ZNF461: variants seen among roughly 807,000 people sequenced by gnomAD.
ZNF461 encodes gonadotropin-inducible ovarian transcription factor-1.
ZNF461 carries 16 observed loss-of-function variants against 18.3 expected under a neutral mutation model. The ratio of observed to expected loss-of-function variants is 0.88; its 90% CI spans 0.59 to 1.33. The LOEUF is 1.33. Among genes scored for constraint, ZNF461 ranks in the 40% most tolerant of loss-of-function variants. ZNF461 has a pLI of 0.00. For missense variants in ZNF461, 595 were observed against 669.9 expected (o/e 0.89, Z 1.23); for synonymous variants, 179 against 216.9 (o/e 0.83, Z 1.54).
intron 4 of ZNF461, among the ~76,000 whole-genome samples, chr19:36,652,929 G>A (rs2037654798): frequency 6.6e-6 from 1 of 152,088 alleles, no homozygotes; most frequent in African/African-American, 2.4e-5. Context: ...TAGAAAATGG[G>A]CAAAAGGCAT....
intron 4 of ZNF461, among the ~76,000 whole-genome samples, chr19:36,656,001 T>A: frequency 7.0e-6 from 1 of 143,580 alleles, no homozygotes; most frequent in South Asian, 2.2e-4. Flanking sequence ...AATATCTTTT[T>A]TTTTTTTTTT....
intron 4 of ZNF461, among the ~76,000 whole-genome samples, chr19:36,647,665 A>G (rs1450566689): frequency 6.6e-6 from 1 of 152,196 alleles, no homozygotes; most frequent in East Asian, 1.9e-4. Context: ...TCTATTTTTA[A>G]TGTTTTGAGA....
In ZNF461 at chr19:36,636,757, A is replaced by AG. The variant is rs1424120222; in HGVS notation, c.*1895dup. Among the ~76,000 whole-genome samples the AG allele has an allele frequency of 3.3e-5, 5 of 152,220 alleles. No homozygotes were observed. The highest frequency in any genetic ancestry group is 1.2e-4 in the African/African-American group (5 of 41,454). ...AGATGTTCAGGGGTGAAACAGTGAA[A>AG]GGGGGGCAATGGCAGTTTAGGTACA... On this transcript the variant is annotated 3_prime_UTR_variant, in exon 6 of 6. Coordinates refer to ENST00000588268, the MANE Select transcript of ZNF461 (RefSeq NM_153257.5).
rs577720915 is a variant in ZNF461, at chr19:36,639,821, A to C, written c.524T>G (p.Phe175Cys). 4 of 1,613,936 alleles carry C rather than the reference A, an allele frequency of 2.5e-6. No homozygotes were observed. The East Asian group carries it at 8.9e-5, about 36-fold the overall frequency. Residue 175 changes from phenylalanine (F) to cysteine (C), a missense_variant, in exon 6 of 6, where the codon TTT becomes TGT. Physicochemically the swap from Phe to Cys is radical, Grantham distance 205. Transcript: ENST00000588268. ...TTGAGTGAGTAAAGTATGTTGGCTA[A>C]AAATGGGCATGTTTTCATGGTTAAT... Reference protein sequence around the residue: ...LMINHENMPIFSQHTLLTQEF... With the variant: ...LMINHENMPICSQHTLLTQEF...
chr19:36,638,721 T>C lies in ZNF461; in HGVS notation c.1624A>G (p.Thr542Ala). Residue 542 changes from threonine (T) to alanine (A), a missense_variant, in exon 6 of 6, where the codon ACT becomes GCT. Thr to Ala is a moderately conservative substitution (Grantham distance 58). Coordinates refer to ENST00000588268, the MANE Select transcript of ZNF461 (RefSeq NM_153257.5). ...ACTGGCTTCTCGCCAGTATGAAGAG[T>C]CTGATGTAAGTTAAGTTGTAATCTA... ...NHRLQLNLHQTLHTGEKPVRF... is the reference protein window; with the variant it reads ...NHRLQLNLHQALHTGEKPVRF... 1 of 1,613,644 alleles carries C rather than the reference T, an allele frequency of 6.2e-7. No homozygotes were observed. The highest frequency in any genetic ancestry group is 8.5e-7 in the Non-Finnish European group (1 of 1,179,788).
Position 36,660,360 on chromosome 19 carries a change from G to A in ZNF461, c.10-1935C>T, listed in dbSNP as rs531348972. ...GGATGGGGTTTCACCATCTTGTCCCGGCTAGTCTCAAACTCCTGACCTCAA... is the reference window on the plus strand; with the variant it reads ...GGATGGGGTTTCACCATCTTGTCCCAGCTAGTCTCAAACTCCTGACCTCAA... On this transcript the variant is annotated intron_variant, in intron 2 of 5. Transcript: ENST00000588268. Among the ~76,000 whole-genome samples the A allele has an allele frequency of 2.2e-4, 34 of 151,562 alleles. No individual in the cohort carries two copies. The South Asian group carries it at 6.3e-3, about 28-fold the overall frequency.
intron 4 of ZNF461, among the ~76,000 whole-genome samples, chr19:36,648,323 G>A (rs898508182): frequency 2.6e-5 from 4 of 152,024 alleles, no homozygotes; most frequent in African/African-American, 9.7e-5. Flanking sequence ...AGCTGAGCAG[G>A]GCCATGCTTC....
chr19:36,646,378 C>T (rs1004688975), intron 4 of ZNF461, among the ~76,000 whole-genome samples: 2 of 152,154 alleles, frequency 1.3e-5, no homozygotes, highest in Admixed American at 1.3e-4. Context: ...GTGATCCACC[C>T]TCCTCTGCCT....
At chr19:36,654,348 T>C (rs923908653) in intron 4 of ZNF461, among the ~76,000 whole-genome samples, 12 of 152,038 alleles carry the variant, frequency 7.9e-5, no homozygotes, top group African/African-American at 2.9e-4. Flanking sequence ...AAATGTATTC[T>C]CTCACAGTTC....
intron 4 of ZNF461, among the ~76,000 whole-genome samples, chr19:36,653,515 T>A (rs1345435282): frequency 6.6e-6 from 1 of 152,162 alleles, no homozygotes; most frequent in Non-Finnish European, 1.5e-5. Context: ...AATGGTTTAA[T>A]GGACTCACAG....
intron 5 of ZNF461, among the ~76,000 whole-genome samples, chr19:36,641,556 T>A (rs2037424400): frequency 1.3e-5 from 2 of 148,568 alleles, no homozygotes; most frequent in African/African-American, 2.5e-5. Flanking sequence ...ATATATATAA[T>A]ATATATATAT....
intron 1 of ZNF461, among the ~76,000 whole-genome samples, chr19:36,665,523 A>C (rs1407392126): frequency 6.6e-6 from 1 of 152,160 alleles, no homozygotes; most frequent in East Asian, 1.9e-4. Flanking sequence ...AGCCTGGCCA[A>C]CATGGTGAAA....
intron 4 of ZNF461, among the ~76,000 whole-genome samples, chr19:36,653,149 C>T (rs58495455): frequency 7.2e-5 from 11 of 152,220 alleles, no homozygotes; most frequent in Admixed American, 2.6e-4. Context: ...GAATGTAAGA[C>T]GGTACAAACA....
intron 2 of ZNF461, among the ~76,000 whole-genome samples, chr19:36,658,927 C>A (rs1006624531): frequency 5.9e-5 from 9 of 152,160 alleles, no homozygotes; most frequent in African/African-American, 2.2e-4. Context: ...TTCAGTGTAA[C>A]CTTGACATCC....
chr19:36,655,045 G>A (rs1396895880), intron 4 of ZNF461, among the ~76,000 whole-genome samples: 1 of 152,164 alleles, frequency 6.6e-6, no homozygotes, highest in Non-Finnish European at 1.5e-5. Flanking sequence ...CTGGAGTAAA[G>A]TGGTACAATC....
chr19:36,662,643 A>G (rs2037838094), intron 2 of ZNF461, among the ~76,000 whole-genome samples: 1 of 152,184 alleles, frequency 6.6e-6, no homozygotes, highest in Admixed American at 6.5e-5. Context: ...CTTTTAGATT[A>G]TATTTCCTCT....
chr19:36,658,189 G>C, intron 3 of ZNF461, 110 bp downstream of exon 3: 1 of 1,153,984 alleles, frequency 8.7e-7, no homozygotes. Context: ...CCAGTTATTT[G>C]AAAGCTAGCC....
At chr19:36,647,233 C>T (rs2037544370) in intron 4 of ZNF461, among the ~76,000 whole-genome samples, 2 of 152,212 alleles carry the variant, frequency 1.3e-5, no homozygotes, top group South Asian at 4.1e-4. Flanking sequence ...CTGTAGTTGA[C>T]ATTATGCAAC....
chr19:36,641,562 T>C (rs1298310586), intron 5 of ZNF461, among the ~76,000 whole-genome samples: 2 of 149,124 alleles, frequency 1.3e-5, no homozygotes, highest in Non-Finnish European at 3.0e-5. Flanking sequence ...ATAATATATA[T>C]ATATGTTTTT....
Sources: allele counts gnomAD v4.1 joint callset (sites outside exome capture counted in the v4.1 genomes callset), GRCh38; gene constraint gnomAD v4.1.1; transcripts MANE v1.5; gene names NCBI Gene and HGNC (gene_info 2026-07-23, HGNC 2026-07-21).